SUPT6H: variants seen among roughly 807,000 people sequenced by gnomAD.
SUPT6H encodes transcription elongation factor SPT6.
Under a neutral mutation model 222.3 loss-of-function variants are expected in SUPT6H, and 11 were observed. The observed-to-expected ratio is 0.05, with a 90% CI of 0.03 to 0.08. The LOEUF is 0.08. Among genes scored for constraint, SUPT6H ranks in the 10% least tolerant of loss-of-function variants. The pLI, the probability that SUPT6H is intolerant of heterozygous loss-of-function variation, is 1.00. For missense variants in SUPT6H, 1,422 were observed against 2,216.0 expected, an observed-to-expected ratio of 0.64 and a Z score of 7.19; for synonymous variants, 762 against 801.2, an observed-to-expected ratio of 0.95 and a Z score of 0.83.
At position 28,697,689 on chromosome 17, in the gene SUPT6H, C is replaced by A; in HGVS notation, c.4279C>A (p.Leu1427Met). ...QPMASFARDLLNHKYYQDCSG... is the reference protein window; with the variant it reads ...QPMASFARDLMNHKYYQDCSG... The stretch of plus-strand genomic sequence containing the variant: ...CATGGCATCCTTTGCCCGGGACCTT[C>A]TGAATCACAAGTATTATCAGGACTG... The change falls in exon 31 of 37, where the codon CTG becomes ATG. Residue 1427 changes from leucine to methionine, a missense_variant. By Grantham distance (15) the Leu-to-Met change is conservative. Transcript: ENST00000314616. The A allele has an allele frequency of 6.2e-7, 1 of 1,614,246 alleles. No homozygotes were observed. The highest frequency in any genetic ancestry group is 1.1e-5 in the South Asian group (1 of 91,088).
chr17:28,681,056 T>C, intron 11 of SUPT6H, 200 bp from the exon 12 acceptor site: 1 of 549,244 alleles, frequency 1.8e-6, no homozygotes, highest in Non-Finnish European at 3.2e-6. Flanking sequence ...GTTCAAGTGA[T>C]CATCCCATCT....
At chr17:28,684,052 C>T (rs1222972303) in intron 17 of SUPT6H, among the ~76,000 whole-genome samples, 4 of 151,932 alleles carry the variant, frequency 2.6e-5, no homozygotes, top group African/African-American at 7.3e-5. Context: ...TATAAAATAA[C>T]ATGGTTTTAC....
At chr17:28,699,110 C>T (rs143304349) in intron 32 of SUPT6H, among the ~76,000 whole-genome samples, 10 of 152,280 alleles carry the variant, frequency 6.6e-5, no homozygotes, top group African/African-American at 2.4e-4. Flanking sequence ...TATCTGGTTG[C>T]CATTGATAGC....
Position 28,697,701 on chromosome 17 carries a change from T to C in SUPT6H, c.4291T>C (p.Tyr1431His). 9.3e-6 allele frequency: 15 copies of C among 1,614,168 alleles called. No homozygotes were observed. The highest frequency in any genetic ancestry group is 1.3e-5 in the Non-Finnish European group (15 of 1,180,034). Residue 1431 changes from tyrosine (Y) to histidine (H), a missense_variant, in exon 31 of 37, where the codon TAT (tyrosine) becomes CAT (histidine). Coordinates refer to ENST00000314616, the MANE Select transcript of SUPT6H (RefSeq NM_003170.5). ...TGCCCGGGACCTTCTGAATCACAAG[T>C]ATTATCAGGACTGCAGCGGTGGGGA... ...SFARDLLNHK[Y>H]YQDCSGGDRK...
rs2032138296 is a variant in SUPT6H at position 28,701,601 on chromosome 17, A to G, written c.5157A>G (p.Pro1719=). Reference sequence around the variant, plus strand: ...TGTCCATTGCTGGCGATGCCACCCCACTCCTGGACGAGATGGATCGGTAGG... The same window carrying G: ...TGTCCATTGCTGGCGATGCCACCCCGCTCCTGGACGAGATGGATCGGTAGG... ...TPMSIAGDAT[P]LLDEMDR Residue 1719 remains proline, a synonymous_variant, in exon 37 of 37, where the codon CCA becomes CCG. Coordinates refer to ENST00000314616, the MANE Select transcript of SUPT6H (RefSeq NM_003170.5). The G allele has an allele frequency of 2.5e-6, 4 of 1,609,748 alleles. No homozygotes were observed. The highest frequency in any genetic ancestry group is 1.7e-6 in the Non-Finnish European group (2 of 1,177,608).
chr17:28,687,455 G>A lies in SUPT6H; in HGVS notation c.2990G>A (p.Gly997Glu). The A allele has an allele frequency of 6.2e-7, 1 of 1,613,970 alleles. No individual in the cohort carries two copies. Among genetic ancestry groups the A allele is most frequent in the Non-Finnish European group, 8.5e-7 (1 of 1,180,000 alleles). ...GTTTGTGGCCTGGGACCTCGGAAAGGGACCCACCTCCTGAAGGTAGGATTG... is the reference window on the plus strand; with the variant it reads ...GTTTGTGGCCTGGGACCTCGGAAAGAGACCCACCTCCTGAAGGTAGGATTG... ...QYVCGLGPRK[G>E]THLLKILKQN... The change falls in exon 23 of 37, where the codon GGG becomes GAG. Residue 997 changes from glycine (G) to glutamate (E), a missense_variant. Around this residue, in one of 13 missense-constraint regions of SUPT6H, gnomAD observed 294 missense variants for 382.1 expected, o/e 0.77. Transcript: ENST00000314616.
In SUPT6H at chr17:28,695,450, T is replaced by C. The variant is rs1258106846; in HGVS notation, c.3873T>C (p.Asn1291=). The change falls in exon 29 of 37, where the codon AAT becomes AAC. Residue 1291 remains asparagine (N), a synonymous_variant. Transcript: ENST00000314616. ...CRTSDLMDRN[N]EWKLPKDTYY... Reference sequence around the variant, plus strand: ...CCTCAGACCTCATGGACAGGAACAATGAGTGGAAGCTGCCCAAAGACACCT... The same window carrying C: ...CCTCAGACCTCATGGACAGGAACAACGAGTGGAAGCTGCCCAAAGACACCT... The C allele has an allele frequency of 1.2e-6, 2 of 1,614,050 alleles. No individual in the cohort carries two copies. Among genetic ancestry groups the C allele is most frequent in the Non-Finnish European group, 1.7e-6 (2 of 1,180,018 alleles).
At position 28,687,683 on chromosome 17, in the gene SUPT6H, A is replaced by AT. The variant is rs2031455529; in HGVS notation, c.3006+218dup. 3.9e-5 allele frequency among the ~76,000 whole-genome samples: 6 copies of AT among 151,962 alleles called. No homozygotes were observed. The South Asian group carries it at 1.2e-3, about 32-fold the overall frequency. On this transcript the variant is annotated intron_variant, in intron 23 of 36. Transcript: ENST00000314616. ...CTGCTTGCACCACCACACCCAGCTA[A>AT]TTTTTTGTATTTTTAGTAGAGACGG...
Position 28,666,777 on chromosome 17 carries a change from TCTGAC to T in SUPT6H, c.-32+4445_-32+4449del, listed in dbSNP as rs113791141. ...ATGCTGGCCAGGCTGGTCTCGAGCGTCTGACCTGACCTGAAGTGATCAGCCTGCCT... is the reference window on the plus strand; with the variant it reads ...ATGCTGGCCAGGCTGGTCTCGAGCGTCTGACCTGAAGTGATCAGCCTGCCT... On this transcript the variant is annotated intron_variant, in intron 1 of 36. Transcript: ENST00000314616. Among the ~76,000 whole-genome samples, 223 of 152,220 alleles carry T rather than the reference TCTGAC, an allele frequency of 1.5e-3. 1 individual carries two copies. Among genetic ancestry groups the T allele is most frequent in the African/African-American group, 4.6e-3 (192 of 41,558 alleles).
Position 28,695,540 on chromosome 17 carries a change from G to T in SUPT6H, c.3963G>T (p.Gln1321His). 1 of 1,613,372 alleles carries T rather than the reference G, an allele frequency of 6.2e-7. No individual in the cohort carries two copies. Among genetic ancestry groups the T allele is most frequent in the Non-Finnish European group, 8.5e-7 (1 of 1,179,756 alleles). Residue 1321 changes from glutamine (Q) to histidine (H), a missense_variant, in exon 29 of 37, where the codon CAG becomes CAT. Around this residue, in one of 13 missense-constraint regions of SUPT6H, gnomAD observed 395 missense variants for 580.6 expected, o/e 0.68. Transcript: ENST00000314616. ...KQEEDMKRKQ[Q>H]RTTYIKRVIA... The stretch of plus-strand genomic sequence containing the variant: ...AGGAGGACATGAAGCGGAAGCAGCA[G>T]CGGACCAGTGAGTGTGCCTCCCACC...
rs1273272379 is a variant in SUPT6H at position 28,686,893 on chromosome 17, T to C, written c.2700+104T>C. On this transcript the variant is annotated intron_variant, in intron 21 of 36. Coordinates refer to ENST00000314616, the MANE Select transcript of SUPT6H (RefSeq NM_003170.5). The stretch of plus-strand genomic sequence containing the variant: ...GTTATCAGGGGCACAGGACTGTACC[T>C]GTGTACTTATCCATGCAGAAGTTCT... The C allele has an allele frequency of 4.2e-5, 63 of 1,491,546 alleles. No individual in the cohort carries two copies. In the East Asian group the frequency reaches 1.4e-3, roughly 34 times the overall value. 92.4% of individuals were successfully genotyped at this position (1,491,546 alleles called of 1,614,324 possible). A position where few individuals can be genotyped will look rare whatever the true frequency, so the allele number is the denominator to read the frequency against.
intron 4 of SUPT6H, 85 bp downstream of exon 4, chr17:28,674,698 G>A (rs2030632503): frequency 1.5e-6 from 2 of 1,295,094 alleles, no homozygotes; most frequent in Non-Finnish European, 2.2e-6. Flanking sequence ...GGAGGCACAC[G>A]CAGGACAGTT....
At chr17:28,670,518 A>G (rs1207430193) in intron 1 of SUPT6H, 2 of 152,096 alleles carry the variant, frequency 1.3e-5, no homozygotes, top group African/African-American at 4.8e-5. Flanking sequence ...CTGTGTGTCT[A>G]TTGTAATATA....
intron 32 of SUPT6H, 91 bp downstream of exon 32, chr17:28,698,121 C>T (rs1414123308): frequency 2.1e-6 from 3 of 1,462,398 alleles, no homozygotes; most frequent in Admixed American, 4.7e-5. Context: ...CTCTCTGGCT[C>T]TGCTGGACTG....
chr17:28,681,319 T>C lies in SUPT6H; in HGVS notation c.1413T>C (p.Tyr471=). The C allele has an allele frequency of 6.2e-7, 1 of 1,614,076 alleles. No individual in the cohort carries two copies. Among genetic ancestry groups the C allele is most frequent in the Non-Finnish European group, 8.5e-7 (1 of 1,180,020 alleles). The change falls in exon 12 of 37, where the codon TAT becomes TAC. Residue 471 remains tyrosine (Y), a synonymous_variant. Coordinates refer to ENST00000314616, the MANE Select transcript of SUPT6H (RefSeq NM_003170.5). ...KDVYNHFLLY[Y]GRDIPKMQNA... is the part of the protein sequence containing the mutation. ...TCTACAACCATTTTCTTCTTTATTATGGCCGAGACATCCCTAAGATGCAGA... is the reference window on the plus strand; with the variant it reads ...TCTACAACCATTTTCTTCTTTATTACGGCCGAGACATCCCTAAGATGCAGA...
intron 27 of SUPT6H, chr17:28,691,832 A>C (rs1366338139): frequency 6.6e-6 from 1 of 151,276 alleles, no homozygotes; most frequent in Non-Finnish European, 1.5e-5. Flanking sequence ...CCTGGGCGAA[A>C]GAGCGAGACT....
chr17:28,679,334 C>T (rs2030948349), intron 11 of SUPT6H, among the ~76,000 whole-genome samples: 1 of 152,076 alleles, frequency 6.6e-6, no homozygotes, highest in Admixed American at 6.5e-5. Context: ...GATCGTGCCA[C>T]TGCTCTCCAG....
intron 24 of SUPT6H, chr17:28,689,061 C>A: frequency 6.1e-6 from 2 of 326,422 alleles, no homozygotes; most frequent in Non-Finnish European, 1.1e-5. Flanking sequence ...ATGTATACTA[C>A]AGTTTTTCTA....
intron 5 of SUPT6H, 102 bp from the exon 6 acceptor site, chr17:28,675,299 C>A (rs2030676203): frequency 6.7e-7 from 1 of 1,490,166 alleles, no homozygotes; most frequent in African/African-American, 1.4e-5. Flanking sequence ...AGGAGCTTCC[C>A]TTCTCTGTTG....
Sources: gnomAD v4.1 joint callset for allele counts (sites outside exome capture counted in the v4.1 genomes callset) on GRCh38, gnomAD v4.1.1 for gene constraint, gnomAD v4.1.1 regional missense constraint, MANE v1.5 for transcripts, NCBI Gene and HGNC (gene_info 2026-07-23, HGNC 2026-07-21) for gene names.